The following ABCC11 variants were observed in gnomAD, a reference collection of about 807,000 sequenced individuals.
ABCC11 encodes the protein ATP-binding cassette sub-family C member 11.
ABCC11 carries 135 observed loss-of-function variants against 149.3 expected under a neutral mutation model. That is an observed-to-expected ratio of 0.90 (90% CI 0.79 to 1.04). ABCC11 has a LOEUF of 1.04. Ranked by LOEUF, ABCC11 falls within the 50% of genes least tolerant of loss-of-function variation. The pLI, the probability that ABCC11 is intolerant of heterozygous loss-of-function variation, is 0.00. For synonymous variants in ABCC11, 665 were observed against 671.4 expected, an observed-to-expected ratio of 0.99 and a Z score of 0.15; for missense variants, 1,680 against 1,722.1, an observed-to-expected ratio of 0.98 and a Z score of 0.43.
chr16:48,190,393 C>T (rs960344081), intron 20 of ABCC11, among the ~76,000 whole-genome samples: 4 of 151,616 alleles, frequency 2.6e-5, no homozygotes, highest in African/African-American at 9.7e-5. Context: ...GATAGGGTCT[C>T]ACTGTCTCCC....
At position 48,192,827 on chromosome 16, in the gene ABCC11, G is replaced by A. The variant is rs1967048487; in HGVS notation, c.2509-110C>T. ...GAATCTGTGGCTGGTAGAAGGTGAA[G>A]CTGTTTGCCCAAACCTCCCTGCTCA... On this transcript the variant is annotated intron_variant, in intron 19 of 29. Transcript: ENST00000356608. 7.8e-6 allele frequency: 9 copies of A among 1,149,908 alleles called. No individual in the cohort carries two copies. The South Asian group carries it at 1.1e-4, about 14-fold the overall frequency. 71.2% of individuals were successfully genotyped at this position (1,149,908 alleles called of 1,614,324 possible).
intron 6 of ABCC11, 51 bp downstream of exon 6, chr16:48,222,546 CG>C (rs1969813499): frequency 2.0e-6 from 3 of 1,518,340 alleles, no homozygotes; most frequent in Non-Finnish European, 2.7e-6. Flanking sequence ...CAGTTATGTC[CG>C]GAGGAAGGGT....
chr16:48,210,928 C>T lies in ABCC11; in HGVS notation c.1608+20G>A, dbSNP rs141482254. On this transcript the variant is annotated intron_variant, in intron 11 of 29. Coordinates refer to ENST00000356608, the MANE Select transcript of ABCC11 (RefSeq NM_001370497.1). Reference sequence around the variant, plus strand: ...GAGAGCCTGGCAGCTGGCCTGCCTGCGTGGCCTGAACAAGGCTACCTTGGA... The same window carrying T: ...GAGAGCCTGGCAGCTGGCCTGCCTGTGTGGCCTGAACAAGGCTACCTTGGA... 5.4e-5 allele frequency: 87 copies of T among 1,609,662 alleles called. 3 individuals carry two copies. The highest frequency in any genetic ancestry group is 1.3e-4 in the East Asian group (6 of 44,744).
chr16:48,208,289 T>C (rs1968614724), intron 12 of ABCC11, 136 bp downstream of exon 12: 7 of 925,932 alleles, frequency 7.6e-6, no homozygotes, highest in Non-Finnish European at 1.1e-5. Flanking sequence ...GCACAACCAT[T>C]TTTGATTTAT....
intron 13 of ABCC11, among the ~76,000 whole-genome samples, chr16:48,203,550 G>T (rs184284061): frequency 6.6e-6 from 1 of 152,060 alleles, no homozygotes; most frequent in African/African-American, 2.4e-5. Flanking sequence ...TCCCATCTTT[G>T]ACCTTCATTT....
chr16:48,229,453 C>CTT (rs940739382), intron 3 of ABCC11, among the ~76,000 whole-genome samples: 3,271 of 119,020 alleles, frequency 0.027, 248 homozygotes, highest in African/African-American at 0.099. Flanking sequence ...AGGCTGGTAA[C>CTT]TTTTTTTTTT....
At chr16:48,234,557 A>C (rs1410867782) in intron 1 of ABCC11, among the ~76,000 whole-genome samples, 1 of 152,124 alleles carries the variant, frequency 6.6e-6, no homozygotes, top group Admixed American at 6.5e-5. Flanking sequence ...ATTCACTTCT[A>C]AGTGCTCTAT....
intron 20 of ABCC11, among the ~76,000 whole-genome samples, chr16:48,188,583 C>T (rs889552438): frequency 6.6e-6 from 1 of 152,212 alleles, no homozygotes; most frequent in African/African-American, 2.4e-5. Context: ...ACATGTCAAA[C>T]CACAAGGTAG....
intron 5 of ABCC11, 40 bp from the exon 6 acceptor site, chr16:48,222,871 G>A (rs1466942390): frequency 1.3e-6 from 2 of 1,515,014 alleles, no homozygotes; most frequent in Non-Finnish European, 1.8e-6. Flanking sequence ...AGACCACCCT[G>A]CCAGACACGT....
chr16:48,197,194 C>T (rs1047635827), intron 17 of ABCC11, among the ~76,000 whole-genome samples: 11 of 151,444 alleles, frequency 7.3e-5, no homozygotes, highest in African/African-American at 2.2e-4. Flanking sequence ...TGTGGTGGTG[C>T]GTGCCTGTAG....
At chr16:48,230,872 G>C (rs887638241) in intron 2 of ABCC11, among the ~76,000 whole-genome samples, 1 of 152,154 alleles carries the variant, frequency 6.6e-6, no homozygotes, top group African/African-American at 2.4e-5. Flanking sequence ...CCTGCAGAAT[G>C]AGGGACCAAG....
intron 1 of ABCC11, among the ~76,000 whole-genome samples, chr16:48,243,269 C>T (rs9930843): frequency 0.13 from 19,754 of 151,426 alleles, 1,568 homozygotes; most frequent in African/African-American, 0.23. Flanking sequence ...GGCGTGGTTG[C>T]GGGTGCCTGT....
chr16:48,192,051 T>C (rs1966968917), intron 20 of ABCC11, among the ~76,000 whole-genome samples: 1 of 152,010 alleles, frequency 6.6e-6, no homozygotes. Flanking sequence ...AGGAGGCCAA[T>C]GTGGGAGGAT....
At chr16:48,176,710 G>T (rs772817819) in intron 25 of ABCC11, among the ~76,000 whole-genome samples, 13 of 152,140 alleles carry the variant, frequency 8.5e-5, no homozygotes, top group Non-Finnish European at 1.9e-4. Context: ...TTTATTTGCT[G>T]GTCTATTTAA....
chr16:48,222,525 G>T, intron 6 of ABCC11, 73 bp downstream of exon 6: 1 of 1,295,846 alleles, frequency 7.7e-7, no homozygotes, highest in Non-Finnish European at 1.1e-6. Context: ...TCCCTCTCTT[G>T]GCCCCCAGGG....
intron 22 of ABCC11, among the ~76,000 whole-genome samples, chr16:48,186,265 G>A (rs1000295930): frequency 2.6e-5 from 4 of 152,068 alleles, no homozygotes; most frequent in Admixed American, 6.6e-5. Context: ...ACCTCCTCCC[G>A]AAAGCCTTAT....
At position 48,205,332 on chromosome 16, in the gene ABCC11, T is replaced by C. The variant is rs991908534; in HGVS notation, c.1805+81A>G. The C allele has an allele frequency of 5.1e-6, 8 of 1,573,352 alleles. No homozygotes were observed. In the Admixed American group the frequency reaches 1.4e-4, roughly 27 times the overall value. On this transcript the variant is annotated intron_variant, in intron 13 of 29. Transcript: ENST00000356608. The stretch of plus-strand genomic sequence containing the variant: ...TGGAGCACACAAGTGTTAGCAGTTG[T>C]CAGGTTACCGTTTGAAGCTGGAGGT...
chr16:48,206,096 G>T (rs966932436), intron 12 of ABCC11, among the ~76,000 whole-genome samples: 2 of 152,014 alleles, frequency 1.3e-5, no homozygotes, highest in Non-Finnish European at 2.9e-5. Flanking sequence ...AGGCGTGAAC[G>T]TTTTTTCCTC....
chr16:48,244,319 T>A, intron 1 of ABCC11: 1 of 1,215,008 alleles, frequency 8.2e-7, no homozygotes, highest in Non-Finnish European at 1.1e-6. Flanking sequence ...GTTTGGTGAC[T>A]GCGGGGCAGG....
Sources: allele counts gnomAD v4.1 joint callset (sites outside exome capture counted in the v4.1 genomes callset), GRCh38; gene constraint gnomAD v4.1.1; transcripts MANE v1.5; gene names NCBI Gene and HGNC (gene_info 2026-07-23, HGNC 2026-07-21).